Variants in LAMA3 observed in about 807,000 individuals in gnomAD.
The protein encoded by LAMA3 is laminin subunit alpha 3.
LAMA3 carries 281 observed loss-of-function variants against 402.0 expected under a neutral mutation model. The observed-to-expected ratio is 0.70, with a 90% CI of 0.63 to 0.77. The LOEUF is 0.77. Ranked by LOEUF, LAMA3 falls within the 30% of genes least tolerant of loss-of-function variation. The pLI is 0.00. For missense variants in LAMA3, 3,840 were observed against 4,215.5 expected (o/e 0.91, Z 2.47); for synonymous variants, 1,431 against 1,558.4 (o/e 0.92, Z 1.93).
chr18:23,736,271 G>A (rs2061473191), intron 2 of LAMA3, among the ~76,000 whole-genome samples: 1 of 149,682 alleles, frequency 6.7e-6, no homozygotes, highest in African/African-American at 2.5e-5. Flanking sequence ...TTGTATAAAT[G>A]TGCTATCACA....
At chr18:23,849,791 A>G (rs2063903258) in intron 32 of LAMA3, among the ~76,000 whole-genome samples, 1 of 152,240 alleles carries the variant, frequency 6.6e-6, no homozygotes, top group African/African-American at 2.4e-5. Flanking sequence ...GCTGACTTGT[A>G]TTACACTTAA....
At chr18:23,765,588 A>G (rs1388240237) in intron 8 of LAMA3, among the ~76,000 whole-genome samples, 1 of 152,220 alleles carries the variant, frequency 6.6e-6, no homozygotes, top group Non-Finnish European at 1.5e-5. Flanking sequence ...ATTCAAAAAA[A>G]GTGACCCATT....
At chr18:23,812,021 G>C (rs1032371677) in intron 13 of LAMA3, among the ~76,000 whole-genome samples, 6 of 151,890 alleles carry the variant, frequency 4.0e-5, no homozygotes, top group African/African-American at 9.7e-5. Context: ...TTACAGGCAT[G>C]TGCCACCATG....
intron 2 of LAMA3, among the ~76,000 whole-genome samples, chr18:23,739,968 C>T (rs535701029): frequency 6.6e-6 from 1 of 152,276 alleles, no homozygotes; most frequent in East Asian, 1.9e-4. Context: ...TTTCTTTGTT[C>T]TGTAAAGTTC....
chr18:23,827,260 G>T, intron 22 of LAMA3, 54 bp from the exon 23 acceptor site: 1 of 1,579,662 alleles, frequency 6.3e-7, no homozygotes, highest in African/African-American at 1.3e-5. Context: ...TTGATATTCC[G>T]TTTGATGTTC....
intron 2 of LAMA3, among the ~76,000 whole-genome samples, chr18:23,735,733 A>G (rs12970254): frequency 0.49 from 74,345 of 151,802 alleles, 19,886 homozygotes; most frequent in Non-Finnish European, 0.61. Flanking sequence ...GCGTCCCCCT[A>G]GGCATGCTCC....
chr18:23,698,832 C>T (rs77603613), intron 1 of LAMA3, among the ~76,000 whole-genome samples: 1,741 of 152,302 alleles, frequency 0.011, 40 homozygotes, highest in African/African-American at 0.039. Flanking sequence ...GCAGAAAAGA[C>T]CCCTGTCCTC....
chr18:23,857,059 G>T (rs2064097749), intron 32 of LAMA3, among the ~76,000 whole-genome samples: 1 of 152,182 alleles, frequency 6.6e-6, no homozygotes, highest in African/African-American at 2.4e-5. Flanking sequence ...ATGAAATTTT[G>T]CATGCACTGC....
chr18:23,837,221 T>C, intron 25 of LAMA3, 132 bp downstream of exon 25: 1 of 705,974 alleles, frequency 1.4e-6, no homozygotes, highest in Non-Finnish European at 2.6e-6. Context: ...TTAATGTTTA[T>C]TCTTCCCATC....
At chr18:23,827,285 T>C (rs374890785) in intron 22 of LAMA3, 29 bp from the exon 23 acceptor site, 157 of 1,612,926 alleles carry the variant, frequency 9.7e-5, no homozygotes, top group Non-Finnish European at 1.2e-4. Context: ...TTGTAACTAT[T>C]GATTCCATTG....
At position 23,819,839 on chromosome 18, in the gene LAMA3, A is replaced by G. The variant is rs1264034909; in HGVS notation, c.2148-2A>G. 6.2e-7 allele frequency: 1 copy of G among 1,613,816 alleles called. No individual in the cohort carries two copies. Among genetic ancestry groups the G allele is most frequent in the Admixed American group, 1.7e-5 (1 of 60,018 alleles). On this transcript the variant is annotated splice_acceptor_variant, in intron 18 of 74. Coordinates refer to ENST00000313654, the MANE Select transcript of LAMA3 (RefSeq NM_198129.4). LOFTEE classifies it high-confidence loss of function. ...TATGTGTTTACTTTTTAATTATGAA[A>G]GGCCTGAAAACAACTACTATTTCCC...
chr18:23,723,533 A>C (rs2061248323), intron 2 of LAMA3, among the ~76,000 whole-genome samples: 1 of 152,210 alleles, frequency 6.6e-6, no homozygotes, highest in South Asian at 2.1e-4. Flanking sequence ...GCAAAGAACA[A>C]AGTCTGGAAA....
chr18:23,693,567 T>A (rs1201174900), intron 1 of LAMA3, among the ~76,000 whole-genome samples: 2 of 151,808 alleles, frequency 1.3e-5, no homozygotes, highest in African/African-American at 4.8e-5. Context: ...CAGTGCATTA[T>A]ATACTGAACA....
chr18:23,936,756 C>T (rs2145439111), intron 67 of LAMA3, among the ~76,000 whole-genome samples: 1 of 152,278 alleles, frequency 6.6e-6, no homozygotes, highest in East Asian at 1.9e-4. Context: ...AACTTAAGCA[C>T]AAAGAATGTG....
intron 14 of LAMA3, 140 bp downstream of exon 14, chr18:23,813,243 A>G: frequency 1.5e-6 from 1 of 656,230 alleles, no homozygotes. Flanking sequence ...GTTGTTTTTC[A>G]AAGAGCATAT....
intron 54 of LAMA3, 24 bp from the exon 55 acceptor site, chr18:23,909,129 T>A (rs746176893): frequency 1.7e-5 from 27 of 1,609,544 alleles, no homozygotes; most frequent in Non-Finnish European, 2.2e-5. Flanking sequence ...AATCTTACAT[T>A]TCTATTTTTT....
intron 35 of LAMA3, among the ~76,000 whole-genome samples, chr18:23,863,893 C>A (rs947659239): frequency 6.6e-6 from 1 of 152,208 alleles, no homozygotes; most frequent in Non-Finnish European, 1.5e-5. Context: ...CACTCCATGT[C>A]CTCACCACCA....
At chr18:23,912,946 G>A in intron 56 of LAMA3, 65 bp downstream of exon 56, 1 of 1,436,132 alleles carries the variant, frequency 7.0e-7, no homozygotes, top group Non-Finnish European at 9.7e-7. Context: ...GTGCTTTTGA[G>A]ATGTGTGGCA....
At chr18:23,868,479 G>T (rs2064421949) in intron 37 of LAMA3, among the ~76,000 whole-genome samples, 1 of 152,132 alleles carries the variant, frequency 6.6e-6, no homozygotes, top group South Asian at 2.1e-4. Flanking sequence ...AGGCATGGTG[G>T]GGTGTGCCTG....
Sources: allele counts gnomAD v4.1 joint callset (sites outside exome capture counted in the v4.1 genomes callset), GRCh38; gene constraint gnomAD v4.1.1; transcripts MANE v1.5; gene names NCBI Gene and HGNC (gene_info 2026-07-23, HGNC 2026-07-21).